Variants in HOXB6 observed in about 807,000 individuals in gnomAD.
HOXB6 encodes homeobox B6, also known as homeobox protein Hox-B6.
Under a neutral mutation model 24.2 loss-of-function variants are expected in HOXB6, and 18 were observed. That is an observed-to-expected ratio of 0.74 (90% CI 0.51 to 1.10). The LOEUF (loss-of-function observed/expected upper bound fraction) is 1.10, where lower values mean the gene tolerates loss of function less well. Ranked by LOEUF, HOXB6 falls within the 50% of genes least tolerant of loss-of-function variation. HOXB6 has a pLI of 0.00. For synonymous variants in HOXB6, 159 were observed against 139.1 expected (o/e 1.14, Z -1.01); for missense variants, 332 against 308.3 (o/e 1.08, Z -0.58).
Position 48,596,307 on chromosome 17 carries a change from G to C in HOXB6, c.*106C>G, listed in dbSNP as rs565021920. 1.0e-4 allele frequency: 154 copies of C among 1,542,066 alleles called. No individual in the cohort carries two copies. Among genetic ancestry groups the C allele is most frequent in the Non-Finnish European group, 1.4e-4 (152 of 1,118,216 alleles). ...CCCCGCCTGTCTGCGCCGGAGAGCA[G>C]GTCTCCTGGCTCCCCCACCCGAGAG... On this transcript the variant is annotated 3_prime_UTR_variant, in exon 4 of 4. Transcript: ENST00000225648. This position sits in a 1 kb window ranked among gnomAD's most constrained non-coding sequence, Gnocchi z 4.8.
intron 2 of HOXB6, among the ~76,000 whole-genome samples, chr17:48,599,182 C>T (rs140447659): frequency 6.6e-6 from 1 of 152,292 alleles, no homozygotes; most frequent in African/African-American, 2.4e-5. Context: ...TGTCTGATCC[C>T]TATCCTGCCT....
At position 48,598,201 on chromosome 17, in the gene HOXB6, G is replaced by A. The variant is rs1163793028; in HGVS notation, c.-51C>T. 4.0e-6 allele frequency: 6 copies of A among 1,507,974 alleles called. No individual in the cohort carries two copies. The highest frequency in any genetic ancestry group is 5.3e-6 in the Non-Finnish European group (6 of 1,125,142). The allele number at this position is 1,507,974 out of a possible 1,614,324, so 93.4% of individuals were successfully genotyped here. ...TGCTGCTCCGCCGGGTTTATGATTT[G>A]TTGTGTTTTATAGTCCGAGCGCCGC... On this transcript the variant is annotated 5_prime_UTR_variant, in exon 3 of 4. Coordinates refer to ENST00000225648, the MANE Select transcript of HOXB6 (RefSeq NM_018952.5).
intron 2 of HOXB6, chr17:48,600,533 T>G (rs1459609735): frequency 2.2e-6 from 1 of 455,714 alleles, no homozygotes; most frequent in African/African-American, 2.0e-5. Context: ...ATCGCTCTTA[T>G]CTAAGCCCAG....
Position 48,596,566 on chromosome 17 carries a change from C to T in HOXB6, c.522G>A (p.Arg174=). 6.2e-7 allele frequency: 1 copy of T among 1,614,252 alleles called. No homozygotes were observed. The highest frequency in any genetic ancestry group is 8.5e-7 in the Non-Finnish European group (1 of 1,180,048). The change falls in exon 4 of 4, where the codon CGG becomes CGA. Residue 174 remains arginine, a synonymous_variant. Transcript: ENST00000225648. The surrounding 1 kb of genome is among the most constrained non-coding windows in gnomAD (Gnocchi z 4.8). The part of the protein sequence containing the change: ...EFHYNRYLTR[R]RRIEIAHALC... The stretch of plus-strand genomic sequence containing the variant: ...GGGCGTGCGCGATCTCGATGCGCCG[C>T]CGCCGCGTCAGGTAGCGATTGTAGT...
chr17:48,596,994 A>G lies in HOXB6; in HGVS notation c.416-322T>C. On this transcript the variant is annotated intron_variant, in intron 3 of 3. Transcript: ENST00000225648. This position sits in a 1 kb window ranked among gnomAD's most constrained non-coding sequence, Gnocchi z 4.8. ...CTCCCTTTCCATCCATCTTGTTCCC[A>G]CCCCCCGTCATCCCCCCAACCCAAT... 20 of 707,000 alleles carry G rather than the reference A, an allele frequency of 2.8e-5. No individual in the cohort carries two copies. Among genetic ancestry groups the G allele is most frequent in the Non-Finnish European group, 3.5e-5 (18 of 513,218 alleles). The allele number at this position is 707,000 out of a possible 1,614,324, so 43.8% of individuals were successfully genotyped here.
rs891689463 is a variant in HOXB6 at position 48,597,905 on chromosome 17, G to C, written c.246C>G (p.Arg82=). 4 of 1,580,832 alleles carry C rather than the reference G, an allele frequency of 2.5e-6. No homozygotes were observed. The highest frequency in any genetic ancestry group is 1.4e-5 in the African/African-American group (1 of 74,020). Residue 82 remains arginine (R), a synonymous_variant, in exon 3 of 4, where the codon CGC becomes CGG. Transcript: ENST00000225648. ...CDYGPAPAFY[R]EKESACALSG... ...AGAGTGCGCAGGCCGACTCTTTCTC[G>C]CGGTAGAAGGCCGGCGCCGGCCCGT...
intron 2 of HOXB6, among the ~76,000 whole-genome samples, chr17:48,603,162 CA>C (rs1042763443): frequency 1.3e-5 from 2 of 152,264 alleles, no homozygotes; most frequent in African/African-American, 4.8e-5. Context: ...GAAAAGCAAT[CA>C]CATGTTCGTG....
Position 48,598,102 on chromosome 17 carries a change from C to G in HOXB6, c.49G>C (p.Gly17Arg), listed in dbSNP as rs764141745. The G allele has an allele frequency of 4.4e-6, 7 of 1,600,288 alleles. No homozygotes were observed. Among genetic ancestry groups the G allele is most frequent in the Non-Finnish European group, 6.0e-6 (7 of 1,170,934 alleles). Residue 17 changes from glycine to arginine, a missense_variant, in exon 3 of 4, where the codon GGG (glycine) becomes CGG (arginine). Physicochemically the swap from Gly to Arg is moderately radical, Grantham distance 125. Transcript: ENST00000225648. ...AGCTGGCCCAGGAAGGACTCCTGCC[C>G]GCTGGCCAGAGTGACGGGGAAGGTG... ...NSTFPVTLAS[G>R]QESFLGQLPL...
chr17:48,602,263 CG>C lies in HOXB6; in HGVS notation c.-79+2216del, dbSNP rs747867908. The stretch of plus-strand genomic sequence containing the variant: ...TCTTTTGACAACCGAGTGGAACTGA[CG>C]GGGCCGGCGCCTGCCCTGCGGGTCC... On this transcript the variant is annotated intron_variant, in intron 2 of 3. Transcript: ENST00000225648. 12 of 455,734 alleles carry C rather than the reference CG, an allele frequency of 2.6e-5. No individual in the cohort carries two copies. In the Middle Eastern group the frequency reaches 2.6e-3, roughly 99 times the overall value. The allele number at this position is 455,734 out of a possible 1,614,324, so 28.2% of individuals were successfully genotyped here.
chr17:48,601,763 T>C, intron 2 of HOXB6: 1 of 217,756 alleles, frequency 4.6e-6, no homozygotes, highest in Non-Finnish European at 9.3e-6. Flanking sequence ...CACCTTGGTT[T>C]GCCTGGCACC....
At chr17:48,597,516 G>C (rs1479091771) in intron 3 of HOXB6, among the ~76,000 whole-genome samples, 1 of 152,176 alleles carries the variant, frequency 6.6e-6, no homozygotes, top group African/African-American at 2.4e-5. Context: ...TGCTCCCCAT[G>C]GCTCCCAGTG....
At chr17:48,597,530 C>T (rs2070336245) in intron 3 of HOXB6, among the ~76,000 whole-genome samples, 1 of 152,162 alleles carries the variant, frequency 6.6e-6, no homozygotes, top group Non-Finnish European at 1.5e-5. Flanking sequence ...CCCAGTGCGG[C>T]TGGGACTTTG....
intron 2 of HOXB6, among the ~76,000 whole-genome samples, chr17:48,600,807 G>A (rs1465820491): frequency 2.6e-5 from 4 of 152,178 alleles, no homozygotes; most frequent in Admixed American, 2.0e-4. Context: ...ACCAATTCTT[G>A]AGTACATAAC....
chr17:48,597,994 A>G lies in HOXB6; in HGVS notation c.157T>C (p.Phe53Leu). 2 of 1,592,942 alleles carry G rather than the reference A, an allele frequency of 1.3e-6. No individual in the cohort carries two copies. The highest frequency in any genetic ancestry group is 1.7e-6 in the Non-Finnish European group (2 of 1,170,010). The change falls in exon 3 of 4, where the codon TTT (phenylalanine) becomes CTT (leucine). Residue 53 changes from phenylalanine to leucine, a missense_variant. Transcript: ENST00000225648. The part of the protein sequence containing the change: ...YGPGPGQDKG[F>L]ATSSYYPPAG... ...GGCGGGTAATAGGAGGAAGTGGCAA[A>G]GCCCTTGTCCTGGCCCGGCCCTGGC...
chr17:48,596,293 T>G lies in HOXB6; in HGVS notation c.*120A>C. On this transcript the variant is annotated 3_prime_UTR_variant, in exon 4 of 4. Coordinates refer to ENST00000225648, the MANE Select transcript of HOXB6 (RefSeq NM_018952.5). The surrounding 1 kb of genome is among the most constrained non-coding windows in gnomAD (Gnocchi z 4.8). The stretch of plus-strand genomic sequence containing the variant: ...AGGAGAGCGCTGGGCCCCGCCTGTC[T>G]GCGCCGGAGAGCAGGTCTCCTGGCT... 1.3e-6 allele frequency: 2 copies of G among 1,493,946 alleles called. No individual in the cohort carries two copies. Among genetic ancestry groups the G allele is most frequent in the East Asian group, 4.5e-5 (2 of 44,258 alleles). The allele number at this position is 1,493,946 out of a possible 1,614,324, so 92.5% of individuals were successfully genotyped here.
In HOXB6 at chr17:48,597,881, G is replaced by T; in HGVS notation, c.270C>A (p.Leu90=). The T allele has an allele frequency of 6.3e-7, 1 of 1,588,586 alleles. No individual in the cohort carries two copies. Residue 90 remains leucine (L), a synonymous_variant, in exon 3 of 4, where the codon CTC becomes CTA. Coordinates refer to ENST00000225648, the MANE Select transcript of HOXB6 (RefSeq NM_018952.5). ...ACGGGGGCTGCTCGTCGGCGCCGGA[G>T]AGTGCGCAGGCCGACTCTTTCTCGC... ...FYREKESACA[L]SGADEQPPFH...
Position 48,595,793 on chromosome 17 carries a change from ATTAT to A in HOXB6, c.*616_*619del, listed in dbSNP as rs2070264384. 1 of 195,416 alleles carries A rather than the reference ATTAT, an allele frequency of 5.1e-6. No homozygotes were observed. Among genetic ancestry groups the A allele is most frequent in the African/African-American group, 2.4e-5 (1 of 41,140 alleles). 12.1% of individuals were successfully genotyped at this position (195,416 alleles called of 1,614,324 possible). ...TATTATTGTTGTTGTTGTTGTTATT[ATTAT>A]TATTATTATCATCATCATCATCATC... On this transcript the variant is annotated 3_prime_UTR_variant, in exon 4 of 4. Coordinates refer to ENST00000225648, the MANE Select transcript of HOXB6 (RefSeq NM_018952.5).
At chr17:48,598,409 C>CT in intron 2 of HOXB6, 181 bp from the exon 3 acceptor site, 10 of 297,042 alleles carry the variant, frequency 3.4e-5, no homozygotes, top group Non-Finnish European at 5.6e-5. Flanking sequence ...ACCTATCAAC[C>CT]TTTTTTTTTT....
At chr17:48,601,416 T>C (rs1444241426) in intron 2 of HOXB6, 1 of 152,200 alleles carries the variant, frequency 6.6e-6, no homozygotes, top group East Asian at 1.9e-4. Context: ...TCTCCCGGTT[T>C]CCTACCCGCA....
Sources: gnomAD v4.1 joint callset for allele counts (sites outside exome capture counted in the v4.1 genomes callset) on GRCh38, gnomAD v4.1.1 for gene constraint, Gnocchi (gnomAD v3.1) non-coding constraint, MANE v1.5 for transcripts, NCBI Gene and HGNC (gene_info 2026-07-23, HGNC 2026-07-21) for gene names.